The following ADAMTS3 variants were observed in gnomAD, a reference collection of about 807,000 sequenced individuals.
The protein encoded by ADAMTS3 is A disintegrin and metalloproteinase with thrombospondin motifs 3.
In ADAMTS3, 73 loss-of-function variants were observed where a neutral mutation model predicts 129.0. That is an observed-to-expected ratio of 0.57 (90% confidence interval 0.47 to 0.69). The LOEUF is 0.69. ADAMTS3 is among the 30% of genes least tolerant of loss of function. The pLI is 0.00. For missense variants in ADAMTS3, 1,457 were observed against 1,514.5 expected, an observed-to-expected ratio of 0.96 and a Z score of 0.63; for synonymous variants, 477 against 510.8, an observed-to-expected ratio of 0.93 and a Z score of 0.89.
intron 3 of ADAMTS3, among the ~76,000 whole-genome samples, chr4:72,481,049 A>G (rs1719421691): frequency 6.6e-6 from 1 of 152,126 alleles, no homozygotes; most frequent in East Asian, 1.9e-4. Flanking sequence ...GGTGAAAGAA[A>G]TCAAAGACCT....
chr4:72,475,566 A>G (rs1162802966), intron 3 of ADAMTS3, among the ~76,000 whole-genome samples: 2 of 152,080 alleles, frequency 1.3e-5, no homozygotes, highest in African/African-American at 4.8e-5. Context: ...TTACAGTTGG[A>G]GTCTTTAACA....
intron 4 of ADAMTS3, among the ~76,000 whole-genome samples, chr4:72,391,280 T>G (rs917807983): frequency 6.6e-6 from 1 of 152,234 alleles, no homozygotes; most frequent in Non-Finnish European, 1.5e-5. Context: ...ATTTACTTTG[T>G]GTATATTGTC....
intron 3 of ADAMTS3, among the ~76,000 whole-genome samples, chr4:72,451,097 GTAAAAGGATAGCATACCCTT>G: frequency 6.6e-6 from 1 of 151,718 alleles, no homozygotes; most frequent in South Asian, 2.1e-4. Flanking sequence ...CTGCAGACAA[GTAAAAGGATAGCATACCCTT>G]TCATGAAATC....
rs1299922298 is a variant in ADAMTS3, at chr4:72,313,871, G to T, written c.1600-49C>A. 1.0e-5 allele frequency: 16 copies of T among 1,603,766 alleles called. No individual in the cohort carries two copies. The African/African-American group carries it at 1.2e-4, about 12-fold the overall frequency. On this transcript the variant is annotated intron_variant, in intron 11 of 21. Coordinates refer to ENST00000286657, the MANE Select transcript of ADAMTS3 (RefSeq NM_014243.3). ...TTATTAAAATCACGCATACACTAAA[G>T]CTGAAGTTGTTATACAAGAACCATC...
intron 3 of ADAMTS3, among the ~76,000 whole-genome samples, chr4:72,431,770 G>C (rs967948998): frequency 5.9e-5 from 9 of 151,824 alleles, no homozygotes; most frequent in Non-Finnish European, 1.2e-4. Flanking sequence ...GCAGAGTGAA[G>C]GGATATAACT....
At chr4:72,458,048 T>A (rs1234062729) in intron 3 of ADAMTS3, among the ~76,000 whole-genome samples, 1 of 151,586 alleles carries the variant, frequency 6.6e-6, no homozygotes, top group Non-Finnish European at 1.5e-5. Context: ...CAGAGTGACA[T>A]GGTAGCAGGG....
chr4:72,313,444 C>T (rs1445054556), intron 12 of ADAMTS3, among the ~76,000 whole-genome samples: 2 of 152,176 alleles, frequency 1.3e-5, no homozygotes, highest in African/African-American at 4.8e-5. Flanking sequence ...TCCTGAACAG[C>T]AACTTCTTTA....
intron 3 of ADAMTS3, among the ~76,000 whole-genome samples, chr4:72,509,274 C>T (rs182686749): frequency 1.8e-4 from 27 of 150,400 alleles, no homozygotes; most frequent in Non-Finnish European, 3.7e-4. Flanking sequence ...AAATAAAGGT[C>T]GGACCAGAAA....
At chr4:72,403,996 T>TTGCA in intron 4 of ADAMTS3, among the ~76,000 whole-genome samples, 1 of 152,160 alleles carries the variant, frequency 6.6e-6, no homozygotes, top group Non-Finnish European at 1.5e-5. Flanking sequence ...ACTAGAATTC[T>TTGCA]TGCATGAAGA....
At chr4:72,547,056 T>C (rs1201555209) in intron 3 of ADAMTS3, among the ~76,000 whole-genome samples, 3 of 152,110 alleles carry the variant, frequency 2.0e-5, no homozygotes, top group African/African-American at 7.2e-5. Context: ...TAAGAGACTG[T>C]TGAAAAGAAC....
rs1172867968 is a variant in ADAMTS3, at chr4:72,374,571, T to A, written c.662-34878A>T. Reference sequence around the variant, plus strand: ...ACTAGTCAATATGAAAATAAACCCTTCCATAAATAGATTTTTATATTTTTT... The same window carrying A: ...ACTAGTCAATATGAAAATAAACCCTACCATAAATAGATTTTTATATTTTTT... On this transcript the variant is annotated intron_variant, in intron 4 of 21. Coordinates refer to ENST00000286657, the MANE Select transcript of ADAMTS3 (RefSeq NM_014243.3). 2.0e-5 allele frequency among the ~76,000 whole-genome samples: 3 copies of A among 152,276 alleles called. No homozygotes were observed. In the East Asian group the frequency reaches 5.8e-4, roughly 29 times the overall value.
At chr4:72,472,830 C>A (rs1470381740) in intron 3 of ADAMTS3, among the ~76,000 whole-genome samples, 2 of 152,110 alleles carry the variant, frequency 1.3e-5, no homozygotes, top group Non-Finnish European at 1.5e-5. Flanking sequence ...TTAAGCACTG[C>A]ACGAACTTTG....
intron 3 of ADAMTS3, among the ~76,000 whole-genome samples, chr4:72,456,763 G>C (rs1359813274): frequency 6.6e-6 from 1 of 151,344 alleles, no homozygotes; most frequent in Admixed American, 6.6e-5. Flanking sequence ...AGAATGGTAG[G>C]CTCCTCTTTA....
At chr4:72,426,463 A>G (rs1215821832) in intron 3 of ADAMTS3, among the ~76,000 whole-genome samples, 1 of 152,184 alleles carries the variant, frequency 6.6e-6, no homozygotes, top group Non-Finnish European at 1.5e-5. Context: ...ATAAATGCAC[A>G]TACCCAAACT....
chr4:72,347,597 T>C (rs1435161184), intron 4 of ADAMTS3, among the ~76,000 whole-genome samples: 1 of 152,114 alleles, frequency 6.6e-6, no homozygotes, highest in Non-Finnish European at 1.5e-5. Context: ...AAATCATAAC[T>C]AATTTTGGGA....
intron 3 of ADAMTS3, among the ~76,000 whole-genome samples, chr4:72,471,210 G>C (rs1218106956): frequency 6.6e-6 from 1 of 152,278 alleles, no homozygotes; most frequent in African/African-American, 2.4e-5. Flanking sequence ...GCAAAAATTA[G>C]AAACTTGGAG....
chr4:72,408,964 T>C (rs1475044999), intron 4 of ADAMTS3, among the ~76,000 whole-genome samples: 1 of 151,914 alleles, frequency 6.6e-6, no homozygotes, highest in Non-Finnish European at 1.5e-5. Flanking sequence ...ATACCTAATG[T>C]AGGTGATGGG....
chr4:72,427,010 T>C (rs1049663987), intron 3 of ADAMTS3, among the ~76,000 whole-genome samples: 2 of 152,172 alleles, frequency 1.3e-5, no homozygotes, highest in African/African-American at 2.4e-5. Flanking sequence ...AGCCCTATAT[T>C]GTTTTTCTAT....
intron 3 of ADAMTS3, among the ~76,000 whole-genome samples, chr4:72,488,286 G>A (rs1244861344): frequency 1.3e-5 from 2 of 151,750 alleles, no homozygotes; most frequent in Non-Finnish European, 2.9e-5. Context: ...CTCAGAACAG[G>A]GACTTCTCTG....
Sources: gnomAD v4.1 joint callset for allele counts (sites outside exome capture counted in the v4.1 genomes callset) on GRCh38, gnomAD v4.1.1 for gene constraint, MANE v1.5 for transcripts, NCBI Gene and HGNC (gene_info 2026-07-23, HGNC 2026-07-21) for gene names.